The following MTHFD1 variants were observed in gnomAD, a reference collection of about 807,000 sequenced individuals.
The protein encoded by MTHFD1 is C-1-tetrahydrofolate synthase, cytoplasmic.
In MTHFD1, 44 loss-of-function variants were observed where a neutral mutation model predicts 110.3. The observed-to-expected ratio is 0.40, with a 90% CI of 0.31 to 0.51. MTHFD1 has a LOEUF of 0.51. Ranked by LOEUF, MTHFD1 falls within the 20% of genes least tolerant of loss-of-function variation. MTHFD1 has a pLI of 0.60. For missense variants in MTHFD1, 909 were observed against 1,173.1 expected (o/e 0.77, Z 3.29); for synonymous variants, 402 against 428.8 (o/e 0.94, Z 0.77).
intron 8 of MTHFD1, among the ~76,000 whole-genome samples, chr14:64,422,341 C>T (rs1277438153): frequency 6.6e-6 from 1 of 152,094 alleles, no homozygotes; most frequent in Non-Finnish European, 1.5e-5. Context: ...CGAGCTACTT[C>T]TTGGTTCATA....
At chr14:64,393,730 G>A (rs1319419451) in intron 1 of MTHFD1, among the ~76,000 whole-genome samples, 1 of 152,180 alleles carries the variant, frequency 6.6e-6, no homozygotes, top group East Asian at 1.9e-4. Context: ...GGGTAGTGGG[G>A]TTTTGAGCAG....
chr14:64,451,179 G>GTTTTA (rs926556660), intron 24 of MTHFD1, among the ~76,000 whole-genome samples: 1 of 151,810 alleles, frequency 6.6e-6, no homozygotes, highest in Non-Finnish European at 1.5e-5. Flanking sequence ...AAAAAATTTT[G>GTTTTA]TTTTATTTTA....
At chr14:64,440,760 G>A (rs567522360) in intron 18 of MTHFD1, 1 of 243,160 alleles carries the variant, frequency 4.1e-6, no homozygotes, top group Non-Finnish European at 8.1e-6. Context: ...TGAGTACTCT[G>A]GGAACGAGCA....
intron 21 of MTHFD1, among the ~76,000 whole-genome samples, chr14:64,444,431 C>T (rs1391677944): frequency 6.6e-6 from 1 of 152,072 alleles, no homozygotes; most frequent in Non-Finnish European, 1.5e-5. Flanking sequence ...ACACCCCTTT[C>T]CACCTCTCCT....
chr14:64,402,284 G>T (rs1368850573), intron 2 of MTHFD1, among the ~76,000 whole-genome samples: 3 of 152,150 alleles, frequency 2.0e-5, no homozygotes, highest in African/African-American at 4.8e-5. Context: ...TCTTCCAAAT[G>T]TTAACATTTC....
At chr14:64,399,890 C>T (rs143708582) in intron 1 of MTHFD1, among the ~76,000 whole-genome samples, 37 of 152,070 alleles carry the variant, frequency 2.4e-4, no homozygotes, top group African/African-American at 7.5e-4. Flanking sequence ...ATCCTCCTGC[C>T]GCAGCCTCCT....
At chr14:64,455,862 T>G (rs1421044645) in intron 26 of MTHFD1, among the ~76,000 whole-genome samples, 1 of 152,218 alleles carries the variant, frequency 6.6e-6, no homozygotes, top group Non-Finnish European at 1.5e-5. Context: ...CACATCACAG[T>G]GGTGCTTAGC....
intron 8 of MTHFD1, among the ~76,000 whole-genome samples, chr14:64,420,851 C>T (rs1006159736): frequency 2.6e-5 from 4 of 152,148 alleles, no homozygotes; most frequent in Non-Finnish European, 4.4e-5. Flanking sequence ...CCCTTCCCTG[C>T]GCATGCCTCG....
intron 22 of MTHFD1, among the ~76,000 whole-genome samples, chr14:64,445,702 G>A (rs1278702731): frequency 2.0e-5 from 3 of 152,162 alleles, no homozygotes; most frequent in East Asian, 3.8e-4. Flanking sequence ...TGATTCACGC[G>A]TAGGAGGGGA....
intron 6 of MTHFD1, among the ~76,000 whole-genome samples, chr14:64,416,491 GA>G (rs747439823): frequency 1.1e-4 from 16 of 152,252 alleles, no homozygotes; most frequent in Non-Finnish European, 1.6e-4. Context: ...CAGATGGCTG[GA>G]AATGGGTCTC....
At chr14:64,452,878 ATTATT>A (rs1419073644) in intron 24 of MTHFD1, among the ~76,000 whole-genome samples, 3 of 151,790 alleles carry the variant, frequency 2.0e-5, no homozygotes, top group Non-Finnish European at 4.4e-5. Context: ...AATTTTTATT[ATTATT>A]TTAAAATTTT....
At position 64,435,308 on chromosome 14, in the gene MTHFD1, A is replaced by G. The variant is rs561165596; in HGVS notation, c.1495-261A>G. On this transcript the variant is annotated intron_variant, in intron 15 of 27. Transcript: ENST00000652337. ...AAAATCTTCCCTTCCCTCACTAGGCATATTTGTGGCATCCCAGGTTATAAT... is the reference window on the plus strand; with the variant it reads ...AAAATCTTCCCTTCCCTCACTAGGCGTATTTGTGGCATCCCAGGTTATAAT... 1.9e-4 allele frequency among the ~76,000 whole-genome samples: 29 copies of G among 152,086 alleles called. No homozygotes were observed. In the East Asian group the frequency reaches 5.4e-3, roughly 28 times the overall value.
intron 18 of MTHFD1, chr14:64,441,033 T>C (rs954647199): frequency 3.5e-5 from 12 of 344,370 alleles, no homozygotes; most frequent in Non-Finnish European, 6.2e-5. Flanking sequence ...CTACTAAAAA[T>C]ACAAAAAAAT....
intron 26 of MTHFD1, among the ~76,000 whole-genome samples, chr14:64,457,326 C>A (rs1461683578): frequency 6.6e-6 from 1 of 152,194 alleles, no homozygotes; most frequent in Admixed American, 6.5e-5. Flanking sequence ...AACTCCTCTA[C>A]TCCCCAGCAC....
intron 1 of MTHFD1, among the ~76,000 whole-genome samples, chr14:64,389,762 T>C (rs1369508881): frequency 6.6e-6 from 1 of 152,178 alleles, no homozygotes; most frequent in Non-Finnish European, 1.5e-5. Flanking sequence ...TTTCAACATG[T>C]GGCTTGCTAA....
chr14:64,406,412 G>A (rs2077935986), intron 2 of MTHFD1, among the ~76,000 whole-genome samples: 2 of 151,714 alleles, frequency 1.3e-5, no homozygotes, highest in South Asian at 4.1e-4. Flanking sequence ...GCCATCACAT[G>A]AGGCCAGGTG....
intron 7 of MTHFD1, 142 bp downstream of exon 7, chr14:64,418,166 G>T: frequency 9.2e-7 from 1 of 1,091,028 alleles, no homozygotes; most frequent in Non-Finnish European, 1.3e-6. Context: ...CAAATTAAAG[G>T]CTGAGTGGGG....
chr14:64,400,864 T>C lies in MTHFD1; in HGVS notation c.113T>C (p.Leu38Pro). The C allele has an allele frequency of 6.2e-7, 1 of 1,609,464 alleles. No individual in the cohort carries two copies. Among genetic ancestry groups the C allele is most frequent in the Non-Finnish European group, 8.5e-7 (1 of 1,175,984 alleles). ...KEQVPGFTPRLAILQVGNRDD... is the reference protein window; with the variant it reads ...KEQVPGFTPRPAILQVGNRDD... ...CAAGTACCTGGTTTCACACCACGCC[T>C]GGCAATATTACAGGTATTATGATAG... The change falls in exon 2 of 28, where the codon CTG (leucine) becomes CCG (proline). Residue 38 changes from leucine to proline, a missense_variant. Physicochemically the swap from Leu to Pro is moderately conservative, Grantham distance 98. Transcript: ENST00000652337.
In MTHFD1 at chr14:64,459,834, A is replaced by T. The variant is rs764603635; in HGVS notation, c.*80A>T. On this transcript the variant is annotated 3_prime_UTR_variant, in exon 28 of 28. Coordinates refer to ENST00000652337, the MANE Select transcript of MTHFD1 (RefSeq NM_005956.4). ...TCAGGCCCACTGGGAGTTAGGAAGT[A>T]TAAGTAAGCCAAGAGAAGTCAGCCC... 6.5e-7 allele frequency: 1 copy of T among 1,535,912 alleles called. No individual in the cohort carries two copies. The highest frequency in any genetic ancestry group is 2.0e-5 in the Admixed American group (1 of 50,988).
Sources: allele counts gnomAD v4.1 joint callset (sites outside exome capture counted in the v4.1 genomes callset), GRCh38; gene constraint gnomAD v4.1.1; transcripts MANE v1.5; gene names NCBI Gene and HGNC (gene_info 2026-07-23, HGNC 2026-07-21).